Variants in NLRP11 observed in about 807,000 individuals in gnomAD.
The protein encoded by NLRP11 is NLR family pyrin domain containing 11.
NLRP11 carries 53 observed loss-of-function variants against 79.3 expected under a neutral mutation model. The observed-to-expected ratio is 0.67, with a 90% CI of 0.54 to 0.84. NLRP11 has a LOEUF of 0.84. Ranked by LOEUF, NLRP11 falls within the 40% of genes least tolerant of loss-of-function variation. The pLI is 0.00. For missense variants in NLRP11, 1,264 were observed against 1,255.0 expected, an observed-to-expected ratio of 1.01 and a Z score of -0.11; for synonymous variants, 518 against 462.6, an observed-to-expected ratio of 1.12 and a Z score of -1.54.
intron 2 of NLRP11, among the ~76,000 whole-genome samples, chr19:55,813,960 T>C (rs1269593167): frequency 6.6e-6 from 1 of 152,148 alleles, no homozygotes; most frequent in Admixed American, 6.5e-5. Flanking sequence ...CAACATGGCC[T>C]AGGAGGCATG....
intron 8 of NLRP11, 73 bp downstream of exon 8, chr19:55,789,156 A>T (rs991009422): frequency 9.8e-5 from 146 of 1,483,018 alleles, no homozygotes; most frequent in Non-Finnish European, 1.2e-4. Context: ...GTATTTCCCA[A>T]TCCACTTCCT....
chr19:55,791,755 T>C (rs1990246662), intron 7 of NLRP11, among the ~76,000 whole-genome samples: 1 of 152,190 alleles, frequency 6.6e-6, no homozygotes, highest in African/African-American at 2.4e-5. Context: ...TGAGGCACAC[T>C]CAAAAAACTG....
intron 5 of NLRP11, 92 bp downstream of exon 5, chr19:55,801,480 A>T: frequency 1.1e-6 from 1 of 942,708 alleles, no homozygotes. Flanking sequence ...AAAAGGTAGG[A>T]GCAGGTAGTG....
rs141441367 is a variant in NLRP11, at chr19:55,830,229, C to T, written c.-63+1734G>A. Among the ~76,000 whole-genome samples the T allele has an allele frequency of 4.6e-4, 70 of 152,222 alleles. 1 individual carries two copies. In the East Asian group the frequency reaches 0.011, roughly 24 times the overall value. ...ATTAGTAAGTTAAGCCTCACCAAGT[C>T]CAACCCTTCCCCAAATTCCCAAACT... On this transcript the variant is annotated intron_variant, in intron 1 of 9. Coordinates refer to ENST00000589093, the Ensembl canonical transcript of NLRP11.
At chr19:55,786,199 C>T (rs1033293442) in intron 9 of NLRP11, among the ~76,000 whole-genome samples, 1 of 152,156 alleles carries the variant, frequency 6.6e-6, no homozygotes, top group Non-Finnish European at 1.5e-5. Context: ...TTTATAGGTT[C>T]CAATACTGAG....
At chr19:55,810,855 C>T (rs974695572) in intron 2 of NLRP11, among the ~76,000 whole-genome samples, 2 of 152,158 alleles carry the variant, frequency 1.3e-5, no homozygotes, top group Admixed American at 6.5e-5. Context: ...ACAGTGGAGT[C>T]GACAGATCTG....
exon 4 of NLRP11, chr19:55,807,895 G>C (rs1980152461): frequency 3.7e-6 from 6 of 1,612,798 alleles, no homozygotes; most frequent in Non-Finnish European, 5.1e-6. Context: ...CAGGGCTTTA[G>C]ACAGAATCCT....
chr19:55,802,807 C>A (rs905625905), intron 4 of NLRP11, among the ~76,000 whole-genome samples: 2 of 152,074 alleles, frequency 1.3e-5, no homozygotes, highest in African/African-American at 4.8e-5. Flanking sequence ...GGTACTGGTA[C>A]AAAAACAGAC....
chr19:55,794,718 C>T (rs2122734918), intron 6 of NLRP11, among the ~76,000 whole-genome samples: 1 of 152,074 alleles, frequency 6.6e-6, no homozygotes, highest in Non-Finnish European at 1.5e-5. Context: ...CGAGATCGCG[C>T]CACCGCACTC....
chr19:55,811,982 C>CAA (rs1259003137), intron 2 of NLRP11, among the ~76,000 whole-genome samples: 1 of 151,718 alleles, frequency 6.6e-6, no homozygotes, highest in African/African-American at 2.4e-5. Context: ...CACACACACA[C>CAA]ACACACACAC....
At chr19:55,791,309 TC>T (rs1433378027) in intron 7 of NLRP11, among the ~76,000 whole-genome samples, 4 of 152,170 alleles carry the variant, frequency 2.6e-5, no homozygotes, top group Non-Finnish European at 5.9e-5. Context: ...TATATTATTT[TC>T]CCCAAGGCAG....
exon 1 of NLRP11, chr19:55,831,977 G>A (rs1249140366): frequency 6.6e-6 from 1 of 152,218 alleles, no homozygotes; most frequent in Non-Finnish European, 1.5e-5. Context: ...CCTGCCACCA[G>A]GTCTCCTTGG....
upstream of NLRP11, chr19:55,832,810 AG>A (rs1982917775): frequency 6.6e-6 from 1 of 152,228 alleles, no homozygotes; most frequent in African/African-American, 2.4e-5. Context: ...TGGACGGGAA[AG>A]TGATGAAAGA....
intron 4 of NLRP11, among the ~76,000 whole-genome samples, chr19:55,805,284 G>A (rs893914913): frequency 8.6e-5 from 13 of 151,978 alleles, no homozygotes; most frequent in Admixed American, 2.6e-4. Context: ...GGAAAGAGAC[G>A]GGAAGGGAAA....
chr19:55,830,785 G>A (rs1982686490), intron 1 of NLRP11, among the ~76,000 whole-genome samples: 1 of 152,134 alleles, frequency 6.6e-6, no homozygotes, highest in Non-Finnish European at 1.5e-5. Context: ...ACTATGAGGT[G>A]ATCTCCAACA....
chr19:55,808,560 T>C (rs1980237461), intron 3 of NLRP11, among the ~76,000 whole-genome samples: 1 of 152,158 alleles, frequency 6.6e-6, no homozygotes, highest in Admixed American at 6.5e-5. Flanking sequence ...AAAGAATAGC[T>C]GGCCCAAAAC....
intron 7 of NLRP11, 132 bp from the exon 8 acceptor site, chr19:55,789,531 T>C: frequency 1.3e-6 from 1 of 761,276 alleles, no homozygotes; most frequent in African/African-American, 1.8e-5. Flanking sequence ...ACAAGAGCAG[T>C]GTTAACATCT....
chr19:55,799,891 C>T (rs1017881451), intron 5 of NLRP11, among the ~76,000 whole-genome samples: 4 of 152,030 alleles, frequency 2.6e-5, no homozygotes, highest in Non-Finnish European at 5.9e-5. Context: ...CGCTTAAACC[C>T]GGGAGGCGGA....
chr19:55,823,890 T>A (rs1035479040), intron 1 of NLRP11, among the ~76,000 whole-genome samples: 2 of 142,102 alleles, frequency 1.4e-5, no homozygotes, highest in South Asian at 4.6e-4. Flanking sequence ...AGGCCAACGT[T>A]CAGATTCAGG....
Sources: gnomAD v4.1 joint callset for allele counts (sites outside exome capture counted in the v4.1 genomes callset) on GRCh38, gnomAD v4.1.1 for gene constraint, MANE v1.5 for transcripts, NCBI Gene and HGNC (gene_info 2026-07-23, HGNC 2026-07-21) for gene names.